Variants in TMED3 observed in about 807,000 individuals in gnomAD.
TMED3 encodes the protein transmembrane emp24 domain-containing protein 3.
A neutral mutation model predicts 15.0 loss-of-function variants in TMED3; 9 were observed. That is an observed-to-expected ratio of 0.60 (90% CI 0.36 to 1.04). The LOEUF (loss-of-function observed/expected upper bound fraction) is 1.04, where lower values mean the gene tolerates loss of function less well. Among genes scored for constraint, TMED3 ranks in the 50% least tolerant of loss-of-function variants. TMED3 has a pLI of 0.01. For missense variants in TMED3, 267 were observed against 278.9 expected, an observed-to-expected ratio of 0.96 and a Z score of 0.30; for synonymous variants, 117 against 121.4, an observed-to-expected ratio of 0.96 and a Z score of 0.24.
At chr15:79,366,893 G>A (rs560404325) in intron 2 of TMED3, among the ~76,000 whole-genome samples, 1 of 141,410 alleles carries the variant, frequency 7.1e-6, no homozygotes, top group African/African-American at 2.7e-5. Context: ...TGCACTTTAA[G>A]GTGCATTTTT....
chr15:79,339,181 C>T (rs1382871062), intron 2 of TMED3, among the ~76,000 whole-genome samples: 1 of 152,212 alleles, frequency 6.6e-6, no homozygotes, highest in Non-Finnish European at 1.5e-5. Flanking sequence ...TCTCTCTCTG[C>T]CTCAGCTGCC....
At chr15:79,399,220 T>C (rs1049470280) in intron 2 of TMED3, among the ~76,000 whole-genome samples, 1 of 152,086 alleles carries the variant, frequency 6.6e-6, no homozygotes, top group Non-Finnish European at 1.5e-5. Flanking sequence ...AAAATCTTAA[T>C]CTCATTCAAA....
intron 2 of TMED3, among the ~76,000 whole-genome samples, chr15:79,352,273 A>C (rs1275050662): frequency 6.6e-6 from 1 of 152,170 alleles, no homozygotes; most frequent in East Asian, 1.9e-4. Flanking sequence ...ATTGTTTCTG[A>C]ACTTCCCTTG....
downstream of TMED3, among the ~76,000 whole-genome samples, chr15:79,326,487 C>T (rs534333423): frequency 1.4e-3 from 212 of 152,298 alleles, no homozygotes; most frequent in Non-Finnish European, 2.3e-3. Flanking sequence ...CCCTTGGCCT[C>T]TTTATGTCTG....
At chr15:79,352,081 G>T (rs946759213) in intron 2 of TMED3, among the ~76,000 whole-genome samples, 4 of 151,756 alleles carry the variant, frequency 2.6e-5, no homozygotes, top group African/African-American at 9.7e-5. Flanking sequence ...AGAGTAGGAG[G>T]GGGGTGAGGG....
At chr15:79,383,672 C>A (rs1893578161) in intron 2 of TMED3, 1 of 152,470 alleles carries the variant, frequency 6.6e-6, no homozygotes, top group African/African-American at 2.4e-5. Context: ...ATTGAGGAAT[C>A]AGTCACATAG....
chr15:79,402,853 C>G (rs1893852208), intron 2 of TMED3, among the ~76,000 whole-genome samples: 1 of 151,984 alleles, frequency 6.6e-6, no homozygotes, highest in Non-Finnish European at 1.5e-5. Flanking sequence ...TAAGAGATGT[C>G]TGACACTCAG....
At chr15:79,384,865 T>G (rs553184451) in intron 2 of TMED3, 1 of 152,060 alleles carries the variant, frequency 6.6e-6, no homozygotes, top group South Asian at 2.1e-4. Context: ...GTATAAGAAA[T>G]GAACAGCAGA....
At position 79,387,823 on chromosome 15, in the gene TMED3, A is replaced by T. The variant is rs557651271; in HGVS notation, c.418-23577A>T. 3.3e-5 allele frequency among the ~76,000 whole-genome samples: 5 copies of T among 152,228 alleles called. No homozygotes were observed. The South Asian group carries it at 1.0e-3, about 32-fold the overall frequency. On this transcript the variant is annotated intron_variant, in intron 2 of 2. Transcript: ENST00000424155. ...AGTTTATACATCTCTTCTTGTCTGGATTCCTACATACCTGATACTTCTTGA... is the reference window on the plus strand; with the variant it reads ...AGTTTATACATCTCTTCTTGTCTGGTTTCCTACATACCTGATACTTCTTGA...
chr15:79,349,195 C>T (rs1460797315), intron 2 of TMED3, among the ~76,000 whole-genome samples: 1 of 152,152 alleles, frequency 6.6e-6, no homozygotes, highest in East Asian at 1.9e-4. Flanking sequence ...CCTCATTATA[C>T]TTTTGATTTA....
intron 2 of TMED3, among the ~76,000 whole-genome samples, chr15:79,314,819 TTCG>T (rs2141212980): frequency 6.6e-6 from 1 of 152,330 alleles, no homozygotes; most frequent in Non-Finnish European, 1.5e-5. Context: ...CCCATCCTCC[TTCG>T]TCTGTCTTCC....
intron 2 of TMED3, among the ~76,000 whole-genome samples, chr15:79,339,812 TGTGATGGTAGTG>T (rs926884212): frequency 1.3e-5 from 2 of 150,054 alleles, no homozygotes; most frequent in African/African-American, 4.9e-5. Context: ...ATGGTGTGAA[TGTGATGGTAGTG>T]GTGATGGTGG....
chr15:79,328,744 TCACA>T (rs930105325), intron 2 of TMED3, among the ~76,000 whole-genome samples: 4 of 152,108 alleles, frequency 2.6e-5, no homozygotes, highest in African/African-American at 9.7e-5. Flanking sequence ...AGGAACTCTC[TCACA>T]CACACAGCTG....
At chr15:79,399,221 C>G (rs1028128232) in intron 2 of TMED3, among the ~76,000 whole-genome samples, 1 of 152,114 alleles carries the variant, frequency 6.6e-6, no homozygotes, top group South Asian at 2.1e-4. Context: ...AAATCTTAAT[C>G]TCATTCAAAA....
intron 2 of TMED3, among the ~76,000 whole-genome samples, chr15:79,365,308 G>A (rs1486343850): frequency 6.6e-6 from 1 of 152,184 alleles, no homozygotes; most frequent in Non-Finnish European, 1.5e-5. Flanking sequence ...AAAGACTTGG[G>A]GTCAGCAGAA....
chr15:79,335,688 A>G (rs889668575), intron 2 of TMED3, among the ~76,000 whole-genome samples: 3 of 152,240 alleles, frequency 2.0e-5, no homozygotes, highest in Non-Finnish European at 4.4e-5. Flanking sequence ...CTAGACAACT[A>G]TGAACAATCT....
intron 2 of TMED3, among the ~76,000 whole-genome samples, chr15:79,327,988 A>G (rs1249474314): frequency 2.6e-5 from 4 of 152,246 alleles, no homozygotes; most frequent in Admixed American, 2.0e-4. Flanking sequence ...CTACAAAAGT[A>G]AATATAATAT....
chr15:79,339,568 A>G (rs2058841959), intron 2 of TMED3, among the ~76,000 whole-genome samples: 1 of 152,094 alleles, frequency 6.6e-6, no homozygotes, highest in Admixed American at 6.6e-5. Flanking sequence ...GATAGCTCCA[A>G]ATTTGGGGTG....
intron 2 of TMED3, among the ~76,000 whole-genome samples, chr15:79,335,596 C>CAG (rs2058824302): frequency 6.6e-6 from 1 of 152,130 alleles, no homozygotes; most frequent in South Asian, 2.1e-4. Flanking sequence ...AGGAAAAACT[C>CAG]TACTGAGTAA....
Sources: gnomAD v4.1 joint callset for allele counts (sites outside exome capture counted in the v4.1 genomes callset) on GRCh38, gnomAD v4.1.1 for gene constraint, MANE v1.5 for transcripts, NCBI Gene and HGNC (gene_info 2026-07-23, HGNC 2026-07-21) for gene names.